The following B3GAT3 variants were observed in gnomAD, a reference collection of about 807,000 sequenced individuals.
The protein encoded by B3GAT3 is galactosylgalactosylxylosylprotein 3-beta-glucuronosyltransferase 3.
B3GAT3 carries 19 observed loss-of-function variants against 33.1 expected under a neutral mutation model. The observed-to-expected ratio is 0.57, with a 90% CI of 0.40 to 0.84. The LOEUF is 0.84. Among genes scored for constraint, B3GAT3 ranks in the 40% least tolerant of loss-of-function variants. The pLI is 0.00. For synonymous variants in B3GAT3, 167 were observed against 193.5 expected (o/e 0.86, Z 1.14); for missense variants, 344 against 441.5 (o/e 0.78, Z 1.98).
At chr11:62,621,822 C>A in intron 1 of B3GAT3, 44 bp downstream of exon 1, 1 of 1,542,756 alleles carries the variant, frequency 6.5e-7, no homozygotes, top group Non-Finnish European at 8.7e-7. Context: ...CGGCGGCGGG[C>A]GCCCTCGGGC....
rs777289635 is a variant in B3GAT3 at position 62,616,977 on chromosome 11, T to G, written c.618+10A>C. 2 of 1,614,194 alleles carry G rather than the reference T, an allele frequency of 1.2e-6. No homozygotes were observed. ...CCTGGTCTCTTGCCCATCCCCATCC[T>G]GGTGCTCACCTCCTCAAACAGCTCC... On this transcript the variant is annotated intron_variant, in intron 3 of 4. Transcript: ENST00000265471.
intron 4 of B3GAT3, 46 bp downstream of exon 4, chr11:62,616,460 T>C (rs778282487): frequency 7.4e-6 from 12 of 1,613,164 alleles, no homozygotes; most frequent in Non-Finnish European, 1.0e-5. Flanking sequence ...CCCCATCACC[T>C]GTCCATCCAA....
chr11:62,621,213 G>A (rs879371425), intron 1 of B3GAT3: 3 of 456,394 alleles, frequency 6.6e-6, no homozygotes, highest in Non-Finnish European at 1.3e-5. Flanking sequence ...CACTGCCTTA[G>A]GTGCTGGGGA....
intron 1 of B3GAT3, chr11:62,621,103 G>C (rs945951291): frequency 4.3e-6 from 2 of 461,538 alleles, no homozygotes; most frequent in African/African-American, 4.0e-5. Context: ...ATAAGGGGCA[G>C]GGTTCGATCC....
chr11:62,618,240 C>T (rs1943074289), intron 2 of B3GAT3, among the ~76,000 whole-genome samples: 1 of 143,148 alleles, frequency 7.0e-6, no homozygotes, highest in South Asian at 2.3e-4. Flanking sequence ...TCAGGTAGAT[C>T]TGGGTTTGAA....
At position 62,621,972 on chromosome 11, in the gene B3GAT3, G is replaced by A. The variant is rs963966776; in HGVS notation, c.-25C>T. 99 of 1,612,206 alleles carry A rather than the reference G, an allele frequency of 6.1e-5. No individual in the cohort carries two copies. Among genetic ancestry groups the A allele is most frequent in the Non-Finnish European group, 7.7e-5 (91 of 1,179,130 alleles). On this transcript the variant is annotated 5_prime_UTR_variant, in exon 1 of 5. Transcript: ENST00000265471. ...TGGCCGCGCCGCCGCCCGCGCCCGA[G>A]CAGGCGGGGTCTGCAGGGGACGAGG...
chr11:62,621,662 C>T (rs1407858234), intron 1 of B3GAT3, among the ~76,000 whole-genome samples: 1 of 152,218 alleles, frequency 6.6e-6, no homozygotes, highest in Non-Finnish European at 1.5e-5. Context: ...GCCTTGCAGG[C>T]TCTGGGAAGG....
At chr11:62,615,991 C>T (rs1943015529) in intron 4 of B3GAT3, 192 bp from the exon 5 acceptor site, 12 of 1,448,262 alleles carry the variant, frequency 8.3e-6, no homozygotes, top group East Asian at 2.6e-5. Context: ...CGCCTGTAAC[C>T]CCAGCACTTT....
At chr11:62,616,309 A>T in intron 4 of B3GAT3, 197 bp downstream of exon 4, 1 of 770,538 alleles carries the variant, frequency 1.3e-6, no homozygotes, top group Non-Finnish European at 2.1e-6. Context: ...ATGGGTTCCC[A>T]GAACTCGGGG....
At position 62,615,692 on chromosome 11, in the gene B3GAT3, G is replaced by T; in HGVS notation, c.*9C>A. 1.2e-6 allele frequency: 2 copies of T among 1,612,520 alleles called. No individual in the cohort carries two copies. The highest frequency in any genetic ancestry group is 1.7e-6 in the Non-Finnish European group (2 of 1,179,696). ...CTGAAAAGAGGTGGTAGTTGGGGTG[G>T]GGCCGCCATCACACCTCAATTGCTG... On this transcript the variant is annotated 3_prime_UTR_variant, in exon 5 of 5. Coordinates refer to ENST00000265471, the MANE Select transcript of B3GAT3 (RefSeq NM_012200.4).
At position 62,617,155 on chromosome 11, in the gene B3GAT3, A is replaced by G. The variant is rs749688877; in HGVS notation, c.450T>C (p.Pro150=). The part of the protein sequence containing the change: ...PKAQRLREGE[P]GWVHPRGVEQ... ...CGACACCACGGGGATGAACCCAGCC[A>G]GGCTCGCCCTCCCGAAGCCGCTGGG... Residue 150 remains proline, a synonymous_variant, in exon 3 of 5, where the codon CCT becomes CCC. Coordinates refer to ENST00000265471, the MANE Select transcript of B3GAT3 (RefSeq NM_012200.4). 8.7e-6 allele frequency: 14 copies of G among 1,614,026 alleles called. No homozygotes were observed. The highest frequency in any genetic ancestry group is 1.3e-5 in the African/African-American group (1 of 75,044).
intron 2 of B3GAT3, among the ~76,000 whole-genome samples, chr11:62,617,809 G>A (rs1478510400): frequency 6.6e-6 from 1 of 151,342 alleles, no homozygotes; most frequent in African/African-American, 2.4e-5. Flanking sequence ...CCTGGAAGGA[G>A]GAGGTTGGAG....
chr11:62,615,511 G>C lies in B3GAT3; in HGVS notation c.*190C>G. Reference sequence around the variant, plus strand: ...CACAAGGGCTGCTTGTCCCCAGCCTGTGGGCAGTGCCACACGGCAGGCTAG... The same window carrying C: ...CACAAGGGCTGCTTGTCCCCAGCCTCTGGGCAGTGCCACACGGCAGGCTAG... On this transcript the variant is annotated 3_prime_UTR_variant, in exon 5 of 5. Coordinates refer to ENST00000265471, the MANE Select transcript of B3GAT3 (RefSeq NM_012200.4). 1 of 1,074,662 alleles carries C rather than the reference G, an allele frequency of 9.3e-7. No homozygotes were observed. Among genetic ancestry groups the C allele is most frequent in the Admixed American group, 2.2e-5 (1 of 44,804 alleles). 66.6% of individuals were successfully genotyped at this position (1,074,662 alleles called of 1,614,324 possible).
intron 1 of B3GAT3, chr11:62,621,302 A>C: frequency 2.2e-6 from 1 of 456,516 alleles, no homozygotes. Flanking sequence ...CACTAAGCAA[A>C]GAAACAAATT....
rs1554969313 is a variant in B3GAT3, at chr11:62,621,813, G to C, written c.82+53C>G. The C allele has an allele frequency of 1.5e-5, 23 of 1,522,872 alleles. No homozygotes were observed. The South Asian group carries it at 2.4e-4, about 16-fold the overall frequency. 94.3% of individuals were successfully genotyped at this position (1,522,872 alleles called of 1,614,324 possible). On this transcript the variant is annotated intron_variant, in intron 1 of 4. Coordinates refer to ENST00000265471, the MANE Select transcript of B3GAT3 (RefSeq NM_012200.4). ...GGTTCATCCCCAGGGCGGGATGCAC[G>C]GCGGCGGGCGCCCTCGGGCCAGCCC...
chr11:62,616,184 C>A, intron 4 of B3GAT3: 1 of 532,556 alleles, frequency 1.9e-6, no homozygotes, highest in Non-Finnish European at 3.3e-6. Context: ...GCGGAGCTTG[C>A]GCTAAGCCAA....
In B3GAT3 at chr11:62,616,609, G is replaced by A. The variant is rs199543524; in HGVS notation, c.806C>T (p.Ala269Val). 3.8e-5 allele frequency: 61 copies of A among 1,614,096 alleles called. No individual in the cohort carries two copies. Among genetic ancestry groups the A allele is most frequent in the South Asian group, 3.3e-5 (3 of 91,094 alleles). The change falls in exon 4 of 5, where the codon GCC becomes GTC. Residue 269 changes from alanine to valine, a missense_variant. Coordinates refer to ENST00000265471, the MANE Select transcript of B3GAT3 (RefSeq NM_012200.4). ...CCGGGGAGCGGTGGAATCAAATTGG[G>A]CATTGGGCTTATCTAACAGCAAGGG... The part of the protein sequence containing the change: ...ALPLLLDKPN[A>V]QFDSTAPRGH...
intron 2 of B3GAT3, among the ~76,000 whole-genome samples, chr11:62,619,509 T>A (rs1943101211): frequency 6.6e-6 from 1 of 152,142 alleles, no homozygotes; most frequent in Middle Eastern, 3.4e-3. Flanking sequence ...GGTATAACTA[T>A]TTCTGGACCC....
At position 62,617,141 on chromosome 11, in the gene B3GAT3, G is replaced by A; in HGVS notation, c.464C>T (p.Pro155Leu). The A allele has an allele frequency of 1.2e-6, 2 of 1,614,034 alleles. No individual in the cohort carries two copies. The highest frequency in any genetic ancestry group is 1.7e-6 in the Non-Finnish European group (2 of 1,180,004). The change falls in exon 3 of 5, where the codon CCC (proline) becomes CTC (leucine). Residue 155 changes from proline to leucine, a missense_variant. Transcript: ENST00000265471. Reference protein sequence around the residue: ...LREGEPGWVHPRGVEQRNKAL... With the variant: ...LREGEPGWVHLRGVEQRNKAL... ...CTTGTTCCGCTGCTCGACACCACGGGGATGAACCCAGCCAGGCTCGCCCTC... is the reference window on the plus strand; with the variant it reads ...CTTGTTCCGCTGCTCGACACCACGGAGATGAACCCAGCCAGGCTCGCCCTC...
Sources: allele counts gnomAD v4.1 joint callset (sites outside exome capture counted in the v4.1 genomes callset), GRCh38; gene constraint gnomAD v4.1.1; transcripts MANE v1.5; gene names NCBI Gene and HGNC (gene_info 2026-07-23, HGNC 2026-07-21).